Variants in GAPVD1 observed in about 807,000 individuals in gnomAD.
GAPVD1 encodes the protein GTPase-activating protein and VPS9 domain-containing protein 1.
Under a neutral mutation model 155.5 loss-of-function variants are expected in GAPVD1, and 35 were observed. The observed-to-expected ratio is 0.23, with a 90% CI of 0.17 to 0.30. The LOEUF is 0.30. Among genes scored for constraint, GAPVD1 ranks in the 10% least tolerant of loss-of-function variants. The pLI, the probability that GAPVD1 is intolerant of heterozygous loss-of-function variation, is 1.00. For synonymous variants in GAPVD1, 636 were observed against 619.7 expected, an observed-to-expected ratio of 1.03 and a Z score of -0.39; for missense variants, 1,429 against 1,775.7, an observed-to-expected ratio of 0.80 and a Z score of 3.51.
rs1172085335 is a variant in GAPVD1 at position 125,349,459 on chromosome 9, A to C, written c.3239A>C (p.Asp1080Ala). Residue 1080 changes from aspartate (D) to alanine (A), a missense_variant, in exon 21 of 28, where the codon GAT becomes GCT. Around this residue, in one of 4 missense-constraint regions of GAPVD1, gnomAD observed 699 missense variants for 826.0 expected, o/e 0.85. Transcript: ENST00000297933. ...RDEALQNISA[D>A]DLPDSASQAA... ...GAAGCACTGCAGAACATCTCGGCTGATGATCTCCCAGACTCTGCAAGCCAA... is the reference window on the plus strand; with the variant it reads ...GAAGCACTGCAGAACATCTCGGCTGCTGATCTCCCAGACTCTGCAAGCCAA... The C allele has an allele frequency of 2.5e-6, 4 of 1,613,796 alleles. No homozygotes were observed. In the African/African-American group the frequency reaches 5.3e-5, roughly 22 times the overall value.
At chr9:125,278,842 A>G (rs1194074712) in intron 2 of GAPVD1, among the ~76,000 whole-genome samples, 7 of 151,992 alleles carry the variant, frequency 4.6e-5, no homozygotes, top group Non-Finnish European at 8.8e-5. Flanking sequence ...CTGGAAAAAA[A>G]AAAACAACAA....
chr9:125,326,639 C>A (rs776331819), intron 12 of GAPVD1, 50 bp downstream of exon 12: 5 of 1,336,000 alleles, frequency 3.7e-6, no homozygotes, highest in Non-Finnish European at 5.4e-6. Flanking sequence ...TTATTCAAAT[C>A]CACCAACCTT....
intron 9 of GAPVD1, among the ~76,000 whole-genome samples, chr9:125,315,957 C>T (rs80020104): frequency 0.011 from 1,601 of 152,126 alleles, 20 homozygotes; most frequent in African/African-American, 0.035. Context: ...TTGAAGTTCC[C>T]CAAAACAGAG....
intron 2 of GAPVD1, among the ~76,000 whole-genome samples, chr9:125,281,323 T>G (rs1836755276): frequency 6.6e-6 from 1 of 152,174 alleles, no homozygotes; most frequent in South Asian, 2.1e-4. Flanking sequence ...TAAATTTTTT[T>G]TATTTTTGTA....
intron 2 of GAPVD1, among the ~76,000 whole-genome samples, chr9:125,272,514 T>G (rs1013281166): frequency 2.0e-5 from 3 of 152,198 alleles, no homozygotes; most frequent in Admixed American, 6.5e-5. Context: ...TTTCTGTTCC[T>G]TAGTTTGAAA....
intron 2 of GAPVD1, among the ~76,000 whole-genome samples, chr9:125,278,860 A>G (rs1836247899): frequency 6.6e-6 from 1 of 151,910 alleles, no homozygotes; most frequent in African/African-American, 2.4e-5. Flanking sequence ...CAAAACTCAC[A>G]TTAAAATTAT....
chr9:125,335,485 G>C lies in GAPVD1; in HGVS notation c.2429-1533G>C, dbSNP rs1176515271. 1.3e-5 allele frequency among the ~76,000 whole-genome samples: 2 copies of C among 152,008 alleles called. 1 individual carries two copies. Among genetic ancestry groups the C allele is most frequent in the African/African-American group, 4.8e-5 (2 of 41,476 alleles). On this transcript the variant is annotated intron_variant, in intron 15 of 27. Coordinates refer to ENST00000297933, the MANE Select transcript of GAPVD1 (RefSeq NM_001282680.3). ...GAGGTCAGGAGATCGAGACCATCCT[G>C]GCCAACATGGTGAAACCCCATCTCT... is the stretch of plus-strand genomic sequence containing the variant.
intron 2 of GAPVD1, among the ~76,000 whole-genome samples, chr9:125,269,416 C>G (rs1834510523): frequency 6.6e-6 from 1 of 151,908 alleles, no homozygotes; most frequent in Non-Finnish European, 1.5e-5. Flanking sequence ...CTTGAACTAC[C>G]TAAACTTGTG....
At chr9:125,351,459 A>C (rs758221367) in intron 23 of GAPVD1, among the ~76,000 whole-genome samples, 3 of 152,246 alleles carry the variant, frequency 2.0e-5, no homozygotes, top group Non-Finnish European at 2.9e-5. Context: ...AAAAGTCCAC[A>C]GTCAAAAATT....
chr9:125,359,010 G>A (rs955772348), intron 25 of GAPVD1, among the ~76,000 whole-genome samples: 15 of 152,180 alleles, frequency 9.9e-5, no homozygotes, highest in African/African-American at 3.6e-4. Flanking sequence ...GTGAAAGGTT[G>A]GGTGAATGGT....
At chr9:125,329,013 C>T (rs1243192063) in intron 12 of GAPVD1, among the ~76,000 whole-genome samples, 1 of 151,750 alleles carries the variant, frequency 6.6e-6, no homozygotes, top group African/African-American at 2.4e-5. Flanking sequence ...GTCGCAGGCA[C>T]TCGGCAGGCT....
intron 20 of GAPVD1, 193 bp downstream of exon 20, chr9:125,347,134 G>C (rs1848613715): frequency 1.6e-6 from 1 of 621,892 alleles, no homozygotes; most frequent in Non-Finnish European, 2.8e-6. Flanking sequence ...GGGTACCCCT[G>C]AATGTTCAAA....
chr9:125,354,439 G>T (rs1459648094), intron 23 of GAPVD1, among the ~76,000 whole-genome samples: 1 of 152,170 alleles, frequency 6.6e-6, no homozygotes, highest in South Asian at 2.1e-4. Flanking sequence ...TGCAAAATGG[G>T]TGTCTGTTCT....
At position 125,354,634 on chromosome 9, in the gene GAPVD1, C is replaced by A. The variant is rs377723122; in HGVS notation, c.3570-20C>A. On this transcript the variant is annotated intron_variant, in intron 23 of 27. Coordinates refer to ENST00000297933, the MANE Select transcript of GAPVD1 (RefSeq NM_001282680.3). ...TGCACTGAATATATCTGATGTCATG[C>A]AAAGTATTTTTCCTTTTAGAAAAAG... The A allele has an allele frequency of 1.9e-6, 3 of 1,556,962 alleles. No homozygotes were observed. In the South Asian group the frequency reaches 3.3e-5, roughly 17 times the overall value.
intron 19 of GAPVD1, among the ~76,000 whole-genome samples, chr9:125,345,115 TCCCTATATGCTTG>T: frequency 6.6e-6 from 1 of 152,022 alleles, no homozygotes; most frequent in East Asian, 1.9e-4. Context: ...AAGTTGGCCT[TCCCTATATGCTTG>T]TTTCACAGCT....
chr9:125,357,396 T>C (rs1292333206), intron 25 of GAPVD1, among the ~76,000 whole-genome samples: 1 of 151,486 alleles, frequency 6.6e-6, no homozygotes, highest in Non-Finnish European at 1.5e-5. Context: ...CTGGCCAGCA[T>C]GGTGAAAACC....
chr9:125,324,585 G>A (rs767356867), intron 11 of GAPVD1, among the ~76,000 whole-genome samples: 9 of 151,954 alleles, frequency 5.9e-5, no homozygotes, highest in Non-Finnish European at 1.2e-4. Flanking sequence ...GTAAAACTCC[G>A]TCTCAAAAAA....
At chr9:125,355,285 T>C (rs1477778941) in intron 24 of GAPVD1, among the ~76,000 whole-genome samples, 1 of 152,170 alleles carries the variant, frequency 6.6e-6, no homozygotes, top group Non-Finnish European at 1.5e-5. Flanking sequence ...TTCATATCTT[T>C]AGTAGAGATG....
chr9:125,327,788 G>C (rs1332251366), intron 12 of GAPVD1, among the ~76,000 whole-genome samples: 2 of 152,198 alleles, frequency 1.3e-5, no homozygotes, highest in Non-Finnish European at 2.9e-5. Context: ...ACAGTCATGA[G>C]CCATTGCTCC....
Sources: gnomAD v4.1 joint callset for allele counts (sites outside exome capture counted in the v4.1 genomes callset) on GRCh38, gnomAD v4.1.1 for gene constraint, gnomAD v4.1.1 regional missense constraint, MANE v1.5 for transcripts, NCBI Gene and HGNC (gene_info 2026-07-23, HGNC 2026-07-21) for gene names.